The following NUP107 variants were observed in gnomAD, a reference collection of about 807,000 sequenced individuals.
NUP107 encodes nuclear pore complex protein Nup107.
Under a neutral mutation model 141.0 loss-of-function variants are expected in NUP107, and 101 were observed. The ratio of observed to expected loss-of-function variants is 0.72; its 90% CI spans 0.61 to 0.84. The LOEUF is 0.84. Among genes scored for constraint, NUP107 ranks in the 40% least tolerant of loss-of-function variants. The probability of loss-of-function intolerance (pLI) is 0.00; values close to 1 mark genes in which losing one functional copy is unlikely to be tolerated. For missense variants in NUP107, 941 were observed against 1,102.7 expected (o/e 0.85, Z 2.08); for synonymous variants, 319 against 363.9 (o/e 0.88, Z 1.41).
chr12:68,688,890 C>G, intron 1 of NUP107, 72 bp from the exon 2 acceptor site: 1 of 1,165,372 alleles, frequency 8.6e-7, no homozygotes, highest in South Asian at 1.3e-5. Context: ...TTTACTCCAA[C>G]TGTGATGATA....
intron 5 of NUP107, among the ~76,000 whole-genome samples, chr12:68,696,234 A>G (rs1345890316): frequency 2.0e-5 from 3 of 151,962 alleles, no homozygotes; most frequent in Admixed American, 6.6e-5. Flanking sequence ...GCATGGTGGC[A>G]CGCACCTGTA....
intron 20 of NUP107, among the ~76,000 whole-genome samples, chr12:68,730,059 TCAAA>T (rs1391901787): frequency 9.2e-5 from 14 of 151,866 alleles, no homozygotes; most frequent in African/African-American, 3.4e-4. Flanking sequence ...ACTCCTGGGC[TCAAA>T]CAGTCTTCTC....
Position 68,690,346 on chromosome 12 carries a change from C to T in NUP107, c.188-285C>T, listed in dbSNP as rs10519476. On this transcript the variant is annotated intron_variant, in intron 3 of 27. Coordinates refer to ENST00000229179, the MANE Select transcript of NUP107 (RefSeq NM_020401.4). ...TTATAAAATTAAAATATGAAGAATC[C>T]GTTGACTGATTAGTGTCTTTAACTG... 109,819 of 422,114 alleles carry T rather than the reference C, an allele frequency of 0.26. 16,098 individuals are homozygous for T. Among genetic ancestry groups the T allele is most frequent in the Non-Finnish European group, 0.31 (72,848 of 231,890 alleles). The allele number at this position is 422,114 out of a possible 1,614,324, so 26.1% of individuals were successfully genotyped here. A position where few individuals can be genotyped will look rare whatever the true frequency, so the allele number is the denominator to read the frequency against.
intron 9 of NUP107, 36 bp downstream of exon 9, chr12:68,709,345 A>T: frequency 1.5e-6 from 2 of 1,296,132 alleles, no homozygotes; most frequent in Middle Eastern, 1.9e-4. Context: ...TTTATGAAAC[A>T]TGGAGAAAAG....
rs140010291 is a variant in NUP107, at chr12:68,729,351, A to G, written c.1735-1759A>G. ...TTTTGATAAATTTTAACTTTTTATAATAGATTCATATATATTTTATAGTAG... is the reference window on the plus strand; with the variant it reads ...TTTTGATAAATTTTAACTTTTTATAGTAGATTCATATATATTTTATAGTAG... On this transcript the variant is annotated intron_variant, in intron 20 of 27. Transcript: ENST00000229179. Among the ~76,000 whole-genome samples the G allele has an allele frequency of 2.9e-3, 446 of 152,310 alleles. 2 individuals are homozygous for G. Among genetic ancestry groups the G allele is most frequent in the African/African-American group, 0.01 (434 of 41,574 alleles).
At chr12:68,688,139 T>A (rs543631014) in intron 1 of NUP107, among the ~76,000 whole-genome samples, 23 of 152,320 alleles carry the variant, frequency 1.5e-4, no homozygotes, top group Admixed American at 3.3e-4. Flanking sequence ...ATTGTAAATA[T>A]CATTTTAGGA....
rs1048081606 is a variant in NUP107 at position 68,742,514 on chromosome 12, A to G, written c.*52A>G. 2.1e-6 allele frequency: 2 copies of G among 959,572 alleles called. No individual in the cohort carries two copies. Among genetic ancestry groups the G allele is most frequent in the African/African-American group, 3.4e-5 (2 of 58,594 alleles). The allele number at this position is 959,572 out of a possible 1,614,324, so 59.4% of individuals were successfully genotyped here. ...TCATGATAAATGAAGTTTTTAATAA[A>G]ATATACTTGTTATTAGTAATTTTTT... On this transcript the variant is annotated 3_prime_UTR_variant, in exon 28 of 28. Coordinates refer to ENST00000229179, the MANE Select transcript of NUP107 (RefSeq NM_020401.4).
Position 68,731,258 on chromosome 12 carries a change from C to G in NUP107, c.1883C>G (p.Ala628Gly), listed in dbSNP as rs1375841191. ...CATTGCCTGGAGTTGGCTAAAGAAGCAGGTAAAAATGGTTGAAAACTTTGT... is the reference window on the plus strand; with the variant it reads ...CATTGCCTGGAGTTGGCTAAAGAAGGAGGTAAAAATGGTTGAAAACTTTGT... Reference protein sequence around the residue: ...RHHCLELAKEADLDVATITKT... With the variant: ...RHHCLELAKEGDLDVATITKT... The change falls in exon 21 of 28, where the codon GCA becomes GGA. Residue 628 changes from alanine (A) to glycine (G), a missense_variant and splice_region_variant. Transcript: ENST00000229179. The G allele has an allele frequency of 3.1e-6, 5 of 1,593,280 alleles. No individual in the cohort carries two copies. In the Admixed American group the frequency reaches 9.1e-5, roughly 29 times the overall value.
At chr12:68,733,129 A>G (rs1161391887) in intron 23 of NUP107, among the ~76,000 whole-genome samples, 1 of 152,234 alleles carries the variant, frequency 6.6e-6, no homozygotes, top group African/African-American at 2.4e-5. Context: ...GAAACAAAAT[A>G]TATTTTAATG....
At chr12:68,713,957 A>G in intron 11 of NUP107, 149 bp downstream of exon 11, 1 of 592,828 alleles carries the variant, frequency 1.7e-6, no homozygotes. Flanking sequence ...TTGCATTGGA[A>G]TCTGATGGAA....
rs776120524 is a variant in NUP107, at chr12:68,741,968, C to CA, written c.2661dup (p.Leu888ThrfsTer7). Reference sequence around the variant, plus strand: ...CAGATATGGTATCCTCTGAGCGCCACAAACTGTACCTGGTAAGTTCTAGAG... The same window carrying CA: ...CAGATATGGTATCCTCTGAGCGCCACAAAACTGTACCTGGTAAGTTCTAGAG... On this transcript the variant is annotated frameshift_variant, in exon 27 of 28. Transcript: ENST00000229179. LOFTEE classifies it high-confidence loss of function. The CA allele has an allele frequency of 6.2e-7, 1 of 1,604,004 alleles. No homozygotes were observed. The highest frequency in any genetic ancestry group is 8.5e-7 in the Non-Finnish European group (1 of 1,174,112).
intron 23 of NUP107, 157 bp downstream of exon 23, chr12:68,732,896 G>A (rs146081409): frequency 2.3e-3 from 1,035 of 440,968 alleles, no homozygotes; most frequent in Admixed American, 3.9e-3. Context: ...TTGCCTAGGC[G>A]GGTCTCGAAC....
At position 68,696,918 on chromosome 12, in the gene NUP107, G is replaced by T; in HGVS notation, c.548G>T (p.Ser183Ile). ...GAAGAGTATGAAAACATCTGTGGTA[G>T]TCAGGTAAGCTAATTTCACTCCGTC... ...LVEEYENICG[S>I]QVNILSKIVS... Residue 183 changes from serine to isoleucine, a missense_variant, in exon 6 of 28, where the codon AGT becomes ATT. Physicochemically the swap from Ser to Ile is moderately radical, Grantham distance 142 (BLOSUM62 -2). Coordinates refer to ENST00000229179, the MANE Select transcript of NUP107 (RefSeq NM_020401.4). The T allele has an allele frequency of 6.3e-7, 1 of 1,585,636 alleles. No homozygotes were observed. The highest frequency in any genetic ancestry group is 8.6e-7 in the Non-Finnish European group (1 of 1,159,362).
intron 27 of NUP107, 54 bp from the exon 28 acceptor site, chr12:68,742,300 TC>T: frequency 8.7e-7 from 1 of 1,152,018 alleles, no homozygotes; most frequent in Non-Finnish European, 1.3e-6. Context: ...GTAACTAAGT[TC>T]ATACTTGTCT....
chr12:68,715,620 C>T lies in NUP107; in HGVS notation c.970-7C>T, dbSNP rs1161984675. 3.2e-6 allele frequency: 5 copies of T among 1,549,326 alleles called. No homozygotes were observed. The Admixed American group carries it at 5.3e-5, about 16-fold the overall frequency. On this transcript the variant is annotated splice_region_variant and splice_polypyrimidine_tract_variant and intron_variant, in intron 11 of 27. Coordinates refer to ENST00000229179, the MANE Select transcript of NUP107 (RefSeq NM_020401.4). ...TGGTTGATGATGACTTTTTTTTCTT[C>T]TTACAGGACCCTGATGCTCCCATAA...
chr12:68,731,949 C>T (rs1877850467), intron 22 of NUP107, among the ~76,000 whole-genome samples: 1 of 152,070 alleles, frequency 6.6e-6, no homozygotes, highest in African/African-American at 2.4e-5. Flanking sequence ...TGGCTTGTTG[C>T]TCATCAGGTT....
chr12:68,706,123 G>A lies in NUP107; in HGVS notation c.730-3115G>A, dbSNP rs1352855697. 9.1e-6 allele frequency: 7 copies of A among 767,502 alleles called. No homozygotes were observed. The East Asian group carries it at 1.2e-4, about 13-fold the overall frequency. 47.5% of individuals were successfully genotyped at this position (767,502 alleles called of 1,614,324 possible). On this transcript the variant is annotated intron_variant, in intron 8 of 27. Coordinates refer to ENST00000229179, the MANE Select transcript of NUP107 (RefSeq NM_020401.4). Reference sequence around the variant, plus strand: ...GCCAAGAGAAGCTGAAGCTGGAGGTGGAACTTGATAACATGCAGGGGCTGG... The same window carrying A: ...GCCAAGAGAAGCTGAAGCTGGAGGTAGAACTTGATAACATGCAGGGGCTGG...
intron 10 of NUP107, among the ~76,000 whole-genome samples, chr12:68,710,651 TAAAAA>T (rs35505754): frequency 9.0e-6 from 1 of 110,780 alleles, no homozygotes; most frequent in Non-Finnish European, 1.7e-5. Context: ...CAGGCCGTCT[TAAAAA>T]AAAAAAAAAA....
rs1878432371 is a variant in NUP107 at position 68,744,264 on chromosome 12, G to T, written c.*1802G>T. ...CTGTATTTGTCTTTTGTTGTGCCTT[G>T]TTTTTTGAATGTCCTTTAAAAAACA... On this transcript the variant is annotated 3_prime_UTR_variant, in exon 28 of 28. Transcript: ENST00000229179. 3 of 152,026 alleles carry T rather than the reference G, an allele frequency of 2.0e-5. No homozygotes were observed. In the South Asian group the frequency reaches 6.2e-4, roughly 32 times the overall value. The allele number at this position is 152,026 out of a possible 1,614,324, so 9.4% of individuals were successfully genotyped here. A position where few individuals can be genotyped will look rare whatever the true frequency, so the allele number is the denominator to read the frequency against.
Sources: gnomAD v4.1 joint callset for allele counts (sites outside exome capture counted in the v4.1 genomes callset) on GRCh38, gnomAD v4.1.1 for gene constraint, MANE v1.5 for transcripts, NCBI Gene and HGNC (gene_info 2026-07-23, HGNC 2026-07-21) for gene names.